Variants in GSTO1 observed in about 807,000 individuals in gnomAD.
The protein encoded by GSTO1 is glutathione S-transferase omega 1, also known as glutathione S-transferase omega-1.
A neutral mutation model predicts 23.8 loss-of-function variants in GSTO1; 27 were observed. That is an observed-to-expected ratio of 1.13 (90% CI 0.83 to 1.56). The LOEUF is 1.56. Ranked by LOEUF, GSTO1 falls within the 40% of genes most tolerant of loss-of-function variation. The probability of loss-of-function intolerance (pLI) is 0.00; values close to 1 mark genes in which losing one functional copy is unlikely to be tolerated. For missense variants in GSTO1, 255 were observed against 285.8 expected, an observed-to-expected ratio of 0.89 and a Z score of 0.78; for synonymous variants, 105 against 109.3, an observed-to-expected ratio of 0.96 and a Z score of 0.25.
chr10:104,262,274 A>T (rs1244039623), intron 3 of GSTO1, among the ~76,000 whole-genome samples: 1 of 152,230 alleles, frequency 6.6e-6, no homozygotes, highest in Non-Finnish European at 1.5e-5. Flanking sequence ...AAACTGAAGC[A>T]TCTGGTGCTC....
At chr10:104,256,884 T>A (rs936995365) in intron 2 of GSTO1, among the ~76,000 whole-genome samples, 3 of 148,414 alleles carry the variant, frequency 2.0e-5, no homozygotes, top group African/African-American at 7.9e-5. Flanking sequence ...AGGAGCCAAA[T>A]AATTTTTTTT....
intron 2 of GSTO1, among the ~76,000 whole-genome samples, chr10:104,256,829 A>G (rs981054905): frequency 2.0e-5 from 3 of 152,130 alleles, no homozygotes; most frequent in African/African-American, 4.8e-5. Flanking sequence ...CATAGTAACA[A>G]AAGTTTTTGT....
Position 104,267,371 on chromosome 10 carries a change from A to C in GSTO1, c.692A>C (p.Gln231Pro), listed in dbSNP as rs1176324895. ...DWQGFLELYL[Q>P]NSPEACDYGL is the part of the protein sequence containing the mutation. ...CAAGGTTTCCTAGAGCTCTACTTAC[A>C]GAACAGCCCTGAGGCCTGTGACTAT... Residue 231 changes from glutamine to proline, a missense_variant, in exon 6 of 6, where the codon CAG becomes CCG. Transcript: ENST00000369713. 28 of 1,613,694 alleles carry C rather than the reference A, an allele frequency of 1.7e-5. No homozygotes were observed. The highest frequency in any genetic ancestry group is 2.3e-5 in the Non-Finnish European group (27 of 1,179,748).
At position 104,259,500 on chromosome 10, in the gene GSTO1, G is replaced by A; in HGVS notation, c.144-76G>A. ...TTGGGGTCTGATCAGCTAAGTGGAT[G>A]GCAAAGCCAGTGAGAATTTATCCAA... On this transcript the variant is annotated intron_variant, in intron 2 of 5. Transcript: ENST00000369713. The A allele has an allele frequency of 5.6e-6, 5 of 886,968 alleles. No individual in the cohort carries two copies. In the South Asian group the frequency reaches 7.7e-5, roughly 14 times the overall value. 54.9% of individuals were successfully genotyped at this position (886,968 alleles called of 1,614,324 possible). A position where few individuals can be genotyped will look rare whatever the true frequency, so the allele number is the denominator to read the frequency against.
chr10:104,257,359 G>A (rs1304269889), intron 2 of GSTO1, among the ~76,000 whole-genome samples: 11 of 138,854 alleles, frequency 7.9e-5, no homozygotes, highest in Admixed American at 5.1e-4. Context: ...TTTTTTTTTC[G>A]AGACAGGGTC....
chr10:104,254,986 G>A (rs755012543), intron 1 of GSTO1, 24 bp downstream of exon 1: 48 of 1,598,638 alleles, frequency 3.0e-5, no homozygotes, highest in African/African-American at 9.4e-5. Context: ...GCCGCGAAGA[G>A]GGGGTGATCT....
chr10:104,265,561 C>T (rs980862758), intron 4 of GSTO1, among the ~76,000 whole-genome samples: 1 of 152,204 alleles, frequency 6.6e-6, no homozygotes, highest in African/African-American at 2.4e-5. Flanking sequence ...TACCAATTTA[C>T]ACCTCTACGA....
chr10:104,261,737 G>A (rs2011141216), intron 3 of GSTO1, among the ~76,000 whole-genome samples: 1 of 152,176 alleles, frequency 6.6e-6, no homozygotes, highest in South Asian at 2.1e-4. Context: ...GTGAAGGCAG[G>A]CTGAACTGAT....
intron 3 of GSTO1, among the ~76,000 whole-genome samples, chr10:104,262,047 CAT>C (rs754640260): frequency 3.8e-5 from 5 of 132,494 alleles, no homozygotes; most frequent in East Asian, 1.9e-4. Context: ...CAGACACACA[CAT>C]AGAGTTCAAA....
In GSTO1 at chr10:104,262,999, CTT is replaced by C; in HGVS notation, c.389_390del (p.Phe130TyrfsTer2). On this transcript the variant is annotated frameshift_variant, in exon 4 of 6. Coordinates refer to ENST00000369713, the MANE Select transcript of GSTO1 (RefSeq NM_004832.3). LOFTEE classifies it high-confidence loss of function. ...FSKVPSLVGSFIRSQNKEDYA... is the reference protein window; with the variant it reads ...FSKVPSLVGSXIRSQNKEDYA... ...TCTAGGTGCCATCCTTGGTAGGAAG[CTT>C]TATTAGAAGCCAAAATAAAGAAGAC... 6.6e-7 allele frequency: 1 copy of C among 1,515,940 alleles called. No homozygotes were observed. The highest frequency in any genetic ancestry group is 9.1e-7 in the Non-Finnish European group (1 of 1,094,312). The allele number at this position is 1,515,940 out of a possible 1,614,324, so 93.9% of individuals were successfully genotyped here. A position where few individuals can be genotyped will look rare whatever the true frequency, so the allele number is the denominator to read the frequency against.
At chr10:104,259,536 G>T (rs751507816) in intron 2 of GSTO1, 40 bp from the exon 3 acceptor site, 1 of 1,325,918 alleles carries the variant, frequency 7.5e-7, no homozygotes, top group South Asian at 1.2e-5. Context: ...AAGCACAAAA[G>T]TTGTTTCCTT....
intron 2 of GSTO1, among the ~76,000 whole-genome samples, chr10:104,259,339 G>A (rs184075259): frequency 4.7e-4 from 71 of 152,236 alleles, no homozygotes; most frequent in Admixed American, 1.4e-3. Flanking sequence ...TGGACATTGC[G>A]GACATTATGC....
In GSTO1 at chr10:104,259,808, T is replaced by C. The variant is rs927855045; in HGVS notation, c.366+10T>C. The C allele has an allele frequency of 3.2e-6, 5 of 1,576,742 alleles. No homozygotes were observed. The South Asian group carries it at 3.4e-5, about 11-fold the overall frequency. Reference sequence around the variant, plus strand: ...AGAGTTGTTTTCTAAGGTTTGTGCATAAGAAATTTCAGCTCCTATTTGAAA... The same window carrying C: ...AGAGTTGTTTTCTAAGGTTTGTGCACAAGAAATTTCAGCTCCTATTTGAAA... On this transcript the variant is annotated intron_variant, in intron 3 of 5. Transcript: ENST00000369713.
rs759762453 is a variant in GSTO1 at position 104,259,807 on chromosome 10, A to G, written c.366+9A>G. ...TAGAGTTGTTTTCTAAGGTTTGTGC[A>G]TAAGAAATTTCAGCTCCTATTTGAA... On this transcript the variant is annotated intron_variant, in intron 3 of 5. Transcript: ENST00000369713. The G allele has an allele frequency of 5.7e-6, 9 of 1,577,518 alleles. No homozygotes were observed. Among genetic ancestry groups the G allele is most frequent in the East Asian group, 4.5e-5 (2 of 44,676 alleles).
intron 4 of GSTO1, 42 bp downstream of exon 4, chr10:104,263,119 A>G (rs1247707432): frequency 2.5e-6 from 2 of 786,502 alleles, no homozygotes; most frequent in East Asian, 2.5e-5. Context: ...AACGATAACT[A>G]TATCTACCCT....
At chr10:104,260,086 C>T (rs1373985136) in intron 3 of GSTO1, among the ~76,000 whole-genome samples, 1 of 152,180 alleles carries the variant, frequency 6.6e-6, no homozygotes, top group Non-Finnish European at 1.5e-5. Flanking sequence ...AGATTCTTCC[C>T]ACTTCTCACT....
intron 3 of GSTO1, among the ~76,000 whole-genome samples, chr10:104,260,807 A>G (rs1055963525): frequency 6.6e-6 from 1 of 152,206 alleles, no homozygotes; most frequent in Non-Finnish European, 1.5e-5. Context: ...AGGAGACATT[A>G]TAAAGGGAAG....
At position 104,254,942 on chromosome 10, in the gene GSTO1, C is replaced by T; in HGVS notation, c.14C>T (p.Ser5Leu). The T allele has an allele frequency of 6.2e-7, 1 of 1,611,040 alleles. No homozygotes were observed. Among genetic ancestry groups the T allele is most frequent in the Non-Finnish European group, 8.5e-7 (1 of 1,179,122 alleles). The change falls in exon 1 of 6, where the codon TCA becomes TTA. Residue 5 changes from serine to leucine, a missense_variant. Physicochemically the swap from Ser to Leu is moderately radical, Grantham distance 145. Coordinates refer to ENST00000369713, the MANE Select transcript of GSTO1 (RefSeq NM_004832.3). Reference protein sequence around the residue: MSGESARSLGKGSAP... With the variant: MSGELARSLGKGSAP... The stretch of plus-strand genomic sequence containing the variant: ...CGCTGCGCCACGATGTCCGGGGAGT[C>T]AGCCAGGAGCTTGGGGAAGGGTGAG...
intron 4 of GSTO1, among the ~76,000 whole-genome samples, chr10:104,263,352 C>T (rs992679554): frequency 1.3e-5 from 2 of 152,116 alleles, no homozygotes; most frequent in African/African-American, 4.8e-5. Flanking sequence ...GAAATTGTAC[C>T]CACGTTTCCA....
Sources: allele counts gnomAD v4.1 joint callset (sites outside exome capture counted in the v4.1 genomes callset), GRCh38; gene constraint gnomAD v4.1.1; transcripts MANE v1.5; gene names NCBI Gene and HGNC (gene_info 2026-07-23, HGNC 2026-07-21).